The following ARHGAP8 variants were observed in gnomAD, a reference collection of about 807,000 sequenced individuals.
ARHGAP8 encodes rho GTPase-activating protein 8.
Under a neutral mutation model 46.1 loss-of-function variants are expected in ARHGAP8, and 62 were observed. That is an observed-to-expected ratio of 1.34 (90% CI 1.10 to 1.66). ARHGAP8 has a LOEUF of 1.66. ARHGAP8 is among the 40% of genes most tolerant of loss of function. ARHGAP8 has a pLI of 0.00. For synonymous variants in ARHGAP8, 375 were observed against 243.1 expected (o/e 1.54, Z -5.05); for missense variants, 923 against 568.4 (o/e 1.62, Z -6.34).
At chr22:44,792,370 A>G (rs1174755011) in intron 2 of ARHGAP8, among the ~76,000 whole-genome samples, 1 of 152,158 alleles carries the variant, frequency 6.6e-6, no homozygotes, top group Admixed American at 6.6e-5. Flanking sequence ...CCCCTCACTG[A>G]GGACTGTTCT....
In ARHGAP8 at chr22:44,848,977, C is replaced by T; in HGVS notation, c.794C>T (p.Ala265Val). 1.2e-6 allele frequency: 2 copies of T among 1,614,152 alleles called. No homozygotes were observed. The highest frequency in any genetic ancestry group is 8.5e-7 in the Non-Finnish European group (1 of 1,180,040). Residue 265 changes from alanine to valine, a missense_variant, in exon 10 of 12, where the codon GCC becomes GTC. Ala to Val is a moderately conservative substitution (Grantham distance 64). Transcript: ENST00000356099. ...GACTACGGGGACATTCACATCCCTG[C>T]CGTGATCCTGAAGACCTTCCTGCGA... ...FDDYGDIHIP[A>V]VILKTFLREL...
At position 44,752,628 on chromosome 22, in the gene ARHGAP8, G is replaced by T. The variant is rs562883958; in HGVS notation, c.-72+1G>T. On this transcript the variant is annotated splice_donor_variant, in intron 1 of 11. Coordinates refer to ENST00000356099, the MANE Select transcript of ARHGAP8 (RefSeq NM_181335.3). LOFTEE classifies it low-confidence loss of function (5UTR_SPLICE). ...GGGGGCCGGCGGGGTCCGTGGCCAG[G>T]TAAGGCGGGCGGCGGCGGGAGGGAG... is the stretch of plus-strand genomic sequence containing the variant. 6 of 147,946 alleles carry T rather than the reference G, an allele frequency of 4.1e-5. No homozygotes were observed. The highest frequency in any genetic ancestry group is 1.5e-4 in the African/African-American group (6 of 40,704). 9.2% of individuals were successfully genotyped at this position (147,946 alleles called of 1,614,324 possible).
chr22:44,822,566 A>G, intron 6 of ARHGAP8, 97 bp downstream of exon 6: 3 of 1,141,636 alleles, frequency 2.6e-6, no homozygotes, highest in Non-Finnish European at 3.6e-6. Flanking sequence ...TTGATTTCCA[A>G]ATGTGTGCTT....
chr22:44,858,242 T>C (rs1258721726), intron 10 of ARHGAP8, among the ~76,000 whole-genome samples: 1 of 152,144 alleles, frequency 6.6e-6, no homozygotes, highest in East Asian at 1.9e-4. Context: ...GGGAGGGTGA[T>C]TGGTGTGTTG....
chr22:44,836,889 T>A (rs529098545), intron 7 of ARHGAP8, among the ~76,000 whole-genome samples: 67 of 152,154 alleles, frequency 4.4e-4, no homozygotes, highest in Admixed American at 7.9e-4. Context: ...GTTTTGTTTG[T>A]TTGTTTTGAG....
chr22:44,828,864 C>T (rs1486258897), intron 7 of ARHGAP8, among the ~76,000 whole-genome samples: 1 of 152,124 alleles, frequency 6.6e-6, no homozygotes, highest in African/African-American at 2.4e-5. Flanking sequence ...TGCTGTGGCA[C>T]ACAGGGTCCC....
intron 4 of ARHGAP8, among the ~76,000 whole-genome samples, chr22:44,810,754 G>A (rs556289134): frequency 5.3e-5 from 8 of 152,338 alleles, no homozygotes; most frequent in African/African-American, 1.9e-4. Flanking sequence ...GAGCAGGGTG[G>A]ACTTTGGTGC....
chr22:44,848,120 G>C (rs537503536), intron 9 of ARHGAP8, 70 bp downstream of exon 9: 42 of 1,578,510 alleles, frequency 2.7e-5, no homozygotes, highest in Non-Finnish European at 3.3e-5. Context: ...GGGCCTCAGA[G>C]CGGAGGCAGG....
chr22:44,861,541 C>G (rs770594680), intron 11 of ARHGAP8, among the ~76,000 whole-genome samples: 2 of 152,166 alleles, frequency 1.3e-5, no homozygotes, highest in Admixed American at 6.5e-5. Flanking sequence ...TGGTGCCTGG[C>G]CCTGCCTCCC....
chr22:44,855,992 C>G (rs141916360), intron 10 of ARHGAP8, among the ~76,000 whole-genome samples: 1 of 152,162 alleles, frequency 6.6e-6, no homozygotes, highest in African/African-American at 2.4e-5. Context: ...AGGTGTCTCA[C>G]GCAGTGCGAG....
intron 2 of ARHGAP8, among the ~76,000 whole-genome samples, chr22:44,799,994 G>T (rs12628097): frequency 0.035 from 5,194 of 150,510 alleles, 304 homozygotes; most frequent in African/African-American, 0.12. Flanking sequence ...GGCAAGGTGG[G>T]GTTGGGGCTG....
rs1281111821 is a variant in ARHGAP8 at position 44,858,562 on chromosome 22, G to T, written c.878-1169G>T. Among the ~76,000 whole-genome samples, 4 of 70,238 alleles carry T rather than the reference G, an allele frequency of 5.7e-5. 1 individual carries two copies. Among genetic ancestry groups the T allele is most frequent in the East Asian group, 4.3e-4 (1 of 2,348 alleles). 46.1% of individuals were successfully genotyped at this position (70,238 alleles called of 152,430 possible). Reference sequence around the variant, plus strand: ...TTTTTTTTTTTTTTTAAGTAACAGGGTTTCACCATGTTGGGTCAGGCTGGT... The same window carrying T: ...TTTTTTTTTTTTTTTAAGTAACAGGTTTTCACCATGTTGGGTCAGGCTGGT... On this transcript the variant is annotated intron_variant, in intron 10 of 11. Transcript: ENST00000356099.
Position 44,859,771 on chromosome 22 carries a change from CT to C in ARHGAP8, c.920del (p.Leu307TyrfsTer31). On this transcript the variant is annotated frameshift_variant, in exon 11 of 12. Coordinates refer to ENST00000356099, the MANE Select transcript of ARHGAP8 (RefSeq NM_181335.3). LOFTEE classifies it high-confidence loss of function. ...SLRVTGCRQILRSLPEHNYVV... is the reference protein window; with the variant it reads ...SLRVTGCRQIXRSLPEHNYVV... Reference sequence around the variant, plus strand: ...TGCGTGTCACTGGCTGCCGCCAGATCTTACGGAGCCTCCCAGAGCACAACTA... The same window carrying C: ...TGCGTGTCACTGGCTGCCGCCAGATCTACGGAGCCTCCCAGAGCACAACTA... The C allele has an allele frequency of 6.2e-7, 1 of 1,614,090 alleles. No homozygotes were observed. The highest frequency in any genetic ancestry group is 8.5e-7 in the Non-Finnish European group (1 of 1,180,034).
intron 2 of ARHGAP8, among the ~76,000 whole-genome samples, chr22:44,798,436 A>G (rs1928249941): frequency 6.6e-6 from 1 of 152,180 alleles, no homozygotes; most frequent in South Asian, 2.1e-4. Flanking sequence ...AGCCTACGCT[A>G]AATCCAGGAT....
At chr22:44,789,541 C>T (rs1390310689) in intron 2 of ARHGAP8, among the ~76,000 whole-genome samples, 1 of 152,070 alleles carries the variant, frequency 6.6e-6, no homozygotes, top group East Asian at 1.9e-4. Flanking sequence ...CACTTTGTTG[C>T]CCAGGCTGTG....
At chr22:44,788,097 GTTAT>G (rs1927409243) in intron 2 of ARHGAP8, among the ~76,000 whole-genome samples, 2 of 49,510 alleles carry the variant, frequency 4.0e-5, no homozygotes, top group Non-Finnish European at 1.1e-4. Flanking sequence ...TTTATTATAT[GTTAT>G]TATTATTATT....
intron 1 of ARHGAP8, among the ~76,000 whole-genome samples, chr22:44,766,643 C>T (rs1224142432): frequency 1.3e-5 from 2 of 152,138 alleles, no homozygotes; most frequent in Non-Finnish European, 1.5e-5. Flanking sequence ...ACCCCGCCTG[C>T]CTGTCTTCCT....
chr22:44,826,742 G>T (rs1930550117), intron 7 of ARHGAP8, among the ~76,000 whole-genome samples: 2 of 152,106 alleles, frequency 1.3e-5, no homozygotes. Flanking sequence ...GGTAGATTTT[G>T]AAACATTTTG....
At chr22:44,847,374 A>G (rs1234475274) in intron 8 of ARHGAP8, among the ~76,000 whole-genome samples, 1 of 152,252 alleles carries the variant, frequency 6.6e-6, no homozygotes, top group African/African-American at 2.4e-5. Flanking sequence ...CTTGGACATC[A>G]TCTATATCTT....
Sources: allele counts gnomAD v4.1 joint callset (sites outside exome capture counted in the v4.1 genomes callset), GRCh38; gene constraint gnomAD v4.1.1; transcripts MANE v1.5; gene names NCBI Gene and HGNC (gene_info 2026-07-23, HGNC 2026-07-21).